Variants in NCKAP5 observed in about 807,000 individuals in gnomAD.
NCKAP5 encodes nck-associated protein 5.
NCKAP5 carries 92 observed loss-of-function variants against 167.0 expected under a neutral mutation model. The ratio of observed to expected loss-of-function variants is 0.55; its 90% confidence interval spans 0.47 to 0.66. NCKAP5 has a LOEUF of 0.66. Among genes scored for constraint, NCKAP5 ranks in the 30% least tolerant of loss-of-function variants. NCKAP5 has a pLI of 0.00. For synonymous variants in NCKAP5, 891 were observed against 877.4 expected (o/e 1.02, Z -0.27); for missense variants, 2,378 against 2,315.0 (o/e 1.03, Z -0.56).
intron 6 of NCKAP5, among the ~76,000 whole-genome samples, chr2:133,035,767 C>T (rs1415755069): frequency 6.6e-6 from 1 of 151,056 alleles, no homozygotes; most frequent in Non-Finnish European, 1.5e-5. Flanking sequence ...AATGATGCAT[C>T]TTAAAAAACT....
intron 7 of NCKAP5, among the ~76,000 whole-genome samples, chr2:132,992,226 G>GGAGAAT (rs1468020381): frequency 6.6e-6 from 1 of 152,154 alleles, no homozygotes; most frequent in Non-Finnish European, 1.5e-5. Flanking sequence ...CTCCCTACAG[G>GGAGAAT]GAAGAGTTCA....
In NCKAP5 at chr2:132,785,374, G is replaced by A. The variant is rs570153834; in HGVS notation, c.1437C>T (p.Asp479=). ...VYDLDSHVDA[D]DDPSTLALLQ... Reference sequence around the variant, plus strand: ...GCAATGCTAAGGTGGAAGGGTCATCGTCCGCATCAACGTGGGAATCTAGAT... The same window carrying A: ...GCAATGCTAAGGTGGAAGGGTCATCATCCGCATCAACGTGGGAATCTAGAT... The change falls in exon 14 of 20, where the codon GAC becomes GAT. Residue 479 remains aspartate, a synonymous_variant. Transcript: ENST00000409261. 21 of 1,613,996 alleles carry A rather than the reference G, an allele frequency of 1.3e-5. No homozygotes were observed. Among genetic ancestry groups the A allele is most frequent in the Admixed American group, 3.3e-5 (2 of 60,030 alleles).
At chr2:133,038,785 T>A (rs1240650803) in intron 6 of NCKAP5, among the ~76,000 whole-genome samples, 2 of 151,736 alleles carry the variant, frequency 1.3e-5, no homozygotes, top group African/African-American at 4.8e-5. Flanking sequence ...TTAAAAAAAA[T>A]AAATAAAATC....
At chr2:133,616,363 G>T in the NCKAP5 span, among the ~76,000 whole-genome samples, 2 of 152,038 alleles carry the variant, frequency 1.3e-5, no homozygotes, top group African/African-American at 4.8e-5. Flanking sequence ...GAATCCAGGA[G>T]CTGGTTTTTT....
chr2:133,486,665 A>G (rs956573104), intron 3 of NCKAP5, among the ~76,000 whole-genome samples: 2 of 152,006 alleles, frequency 1.3e-5, no homozygotes, highest in African/African-American at 4.8e-5. Flanking sequence ...AGAAATTTTG[A>G]CTCTGTGACA....
the NCKAP5 span, among the ~76,000 whole-genome samples, chr2:133,595,144 G>A: frequency 6.6e-5 from 10 of 152,132 alleles, no homozygotes; most frequent in Admixed American, 1.3e-4. Flanking sequence ...AGCAAGAAAG[G>A]GCATCCCAGG....
At chr2:133,152,164 C>G (rs2083405278) in intron 5 of NCKAP5, among the ~76,000 whole-genome samples, 2 of 152,136 alleles carry the variant, frequency 1.3e-5, no homozygotes, top group Admixed American at 1.3e-4. Context: ...ATTACAAAGA[C>G]TTTTAAAAGG....
chr2:133,400,216 G>A (rs1688008709), intron 3 of NCKAP5, among the ~76,000 whole-genome samples: 1 of 151,956 alleles, frequency 6.6e-6, no homozygotes, highest in Non-Finnish European at 1.5e-5. Context: ...GCTTCCCATT[G>A]TCACCCAGAG....
intron 3 of NCKAP5, among the ~76,000 whole-genome samples, chr2:133,443,570 C>T (rs778111736): frequency 2.0e-5 from 3 of 152,148 alleles, no homozygotes; most frequent in Non-Finnish European, 4.4e-5. Context: ...TTGGACCCTG[C>T]TTCTGGAAAT....
chr2:132,909,469 T>G (rs1422257373), intron 8 of NCKAP5, among the ~76,000 whole-genome samples: 3 of 152,246 alleles, frequency 2.0e-5, no homozygotes, highest in African/African-American at 7.2e-5. Flanking sequence ...AAATTTCTTA[T>G]GCTAGGGTAT....
chr2:133,208,181 T>C (rs1323687130), intron 5 of NCKAP5, among the ~76,000 whole-genome samples: 2 of 151,768 alleles, frequency 1.3e-5, no homozygotes, highest in Non-Finnish European at 2.9e-5. Context: ...TCTACAAAAA[T>C]AACAAAAATT....
chr2:132,679,225 G>A (rs747157169), intron 19 of NCKAP5, among the ~76,000 whole-genome samples: 4 of 152,156 alleles, frequency 2.6e-5, no homozygotes, highest in Non-Finnish European at 5.9e-5. Context: ...GGAAACAAGT[G>A]TCTTCCTGTA....
At chr2:132,847,375 G>C (rs1450932123) in intron 11 of NCKAP5, among the ~76,000 whole-genome samples, 2 of 152,116 alleles carry the variant, frequency 1.3e-5, no homozygotes, top group African/African-American at 4.8e-5. Flanking sequence ...CTTTCAAAGA[G>C]GAGATAACTG....
chr2:132,852,513 T>G (rs921012410), intron 11 of NCKAP5, among the ~76,000 whole-genome samples: 1 of 152,176 alleles, frequency 6.6e-6, no homozygotes. Flanking sequence ...TGACAGAAAT[T>G]TCAGCCAGCA....
chr2:133,647,866 T>A, the NCKAP5 span, among the ~76,000 whole-genome samples: 1 of 151,928 alleles, frequency 6.6e-6, no homozygotes, highest in Non-Finnish European at 1.5e-5. Context: ...AACTTACAAA[T>A]GGCAATAGCA....
At chr2:133,227,946 CA>C (rs1343955124) in intron 4 of NCKAP5, among the ~76,000 whole-genome samples, 1 of 152,194 alleles carries the variant, frequency 6.6e-6, no homozygotes, top group Non-Finnish European at 1.5e-5. Flanking sequence ...GGGTAAGCAG[CA>C]GGGGTCTCTG....
At chr2:133,306,064 T>C (rs529883628) in intron 3 of NCKAP5, among the ~76,000 whole-genome samples, 7 of 152,386 alleles carry the variant, frequency 4.6e-5, no homozygotes, top group Middle Eastern at 3.4e-3. Flanking sequence ...AACACTATCA[T>C]AGGATTATAA....
intron 3 of NCKAP5, among the ~76,000 whole-genome samples, chr2:133,474,137 T>TATC (rs1679614876): frequency 6.8e-6 from 1 of 146,356 alleles, no homozygotes; most frequent in South Asian, 2.1e-4. Context: ...TCTATCTATC[T>TATC]ATCTATCTAT....
chr2:133,341,619 T>C (rs1357678500), intron 3 of NCKAP5, among the ~76,000 whole-genome samples: 3 of 152,212 alleles, frequency 2.0e-5, no homozygotes, highest in Non-Finnish European at 2.9e-5. Flanking sequence ...TTTAAGGTTA[T>C]CCATATTTCA....
Sources: gnomAD v4.1 joint callset for allele counts (sites outside exome capture counted in the v4.1 genomes callset) on GRCh38, gnomAD v4.1.1 for gene constraint, MANE v1.5 for transcripts, NCBI Gene and HGNC (gene_info 2026-07-23, HGNC 2026-07-21) for gene names.